Variants in CTNNA3 observed in about 807,000 individuals in gnomAD.
CTNNA3 encodes catenin alpha 3, also known as catenin alpha-3.
Under a neutral mutation model 95.7 loss-of-function variants are expected in CTNNA3, and 76 were observed. The observed-to-expected ratio is 0.79, with a 90% CI of 0.66 to 0.96. CTNNA3 has a LOEUF of 0.96. CTNNA3 is among the 40% of genes least tolerant of loss of function. The pLI, the probability that CTNNA3 is intolerant of heterozygous loss-of-function variation, is 0.00. For synonymous variants in CTNNA3, 431 were observed against 374.4 expected (o/e 1.15, Z -1.74); for missense variants, 1,191 against 1,089.8 (o/e 1.09, Z -1.31).
chr10:66,420,591 G>A (rs969566275), intron 11 of CTNNA3, among the ~76,000 whole-genome samples: 1 of 151,930 alleles, frequency 6.6e-6, no homozygotes, highest in Non-Finnish European at 1.5e-5. Flanking sequence ...ATGAGGTCAG[G>A]AGATTGAGAC....
intron 11 of CTNNA3, among the ~76,000 whole-genome samples, chr10:66,428,233 G>A (rs1286579051): frequency 2.0e-5 from 3 of 152,094 alleles, no homozygotes; most frequent in Non-Finnish European, 2.9e-5. Context: ...CCATATAAAG[G>A]AGCACCCAGA....
intron 15 of CTNNA3, among the ~76,000 whole-genome samples, chr10:65,991,050 T>G (rs2078535483): frequency 6.6e-6 from 1 of 152,134 alleles, no homozygotes; most frequent in African/African-American, 2.4e-5. Flanking sequence ...TTCCCACCTT[T>G]GTCGAAAACC....
chr10:67,095,449 T>C (rs182886884), intron 7 of CTNNA3, among the ~76,000 whole-genome samples: 1 of 151,942 alleles, frequency 6.6e-6, no homozygotes, highest in Admixed American at 6.6e-5. Context: ...ATGTGGGATT[T>C]TTAAAACAGA....
upstream of CTNNA3, among the ~76,000 whole-genome samples, chr10:67,700,382 G>A (rs1288112029): frequency 2.6e-5 from 4 of 152,184 alleles, no homozygotes; most frequent in South Asian, 8.3e-4. Flanking sequence ...CCCCCCAGTA[G>A]GGGCAGACTG....
chr10:65,937,654 T>C (rs2077363910), intron 17 of CTNNA3, among the ~76,000 whole-genome samples: 1 of 152,154 alleles, frequency 6.6e-6, no homozygotes, highest in Non-Finnish European at 1.5e-5. Context: ...ACTGTACTCC[T>C]ATTATAGCAC....
intron 1 of CTNNA3, among the ~76,000 whole-genome samples, chr10:67,740,615 T>C (rs914137277): frequency 1.3e-5 from 2 of 151,378 alleles, no homozygotes; most frequent in Non-Finnish European, 3.0e-5. Flanking sequence ...TGAGATATCA[T>C]CTCACACCAG....
chr10:67,146,021 T>A (rs1305179415), intron 7 of CTNNA3, among the ~76,000 whole-genome samples: 1 of 152,132 alleles, frequency 6.6e-6, no homozygotes, highest in Non-Finnish European at 1.5e-5. Flanking sequence ...AAGTGTGAAT[T>A]ACTGGGTATT....
Position 65,988,801 on chromosome 10 carries a change from GAAAAAA to G in CTNNA3, c.2160-10_2160-5del. 6.2e-7 allele frequency: 1 copy of G among 1,607,278 alleles called. No homozygotes were observed. Among genetic ancestry groups the G allele is most frequent in the African/African-American group, 1.3e-5 (1 of 74,732 alleles). On this transcript the variant is annotated splice_polypyrimidine_tract_variant and splice_region_variant and intron_variant, in intron 15 of 17. Coordinates refer to ENST00000433211, the MANE Select transcript of CTNNA3 (RefSeq NM_013266.4). ...ATGCTTTAGTGGTCCTTTGCCCCTGGAAAAAAATTTATATATGTTAGCTGTGGTGTT... is the reference window on the plus strand; with the variant it reads ...ATGCTTTAGTGGTCCTTTGCCCCTGGATTTATATATGTTAGCTGTGGTGTT...
chr10:67,195,101 C>T (rs1863288641), intron 6 of CTNNA3, among the ~76,000 whole-genome samples: 1 of 150,884 alleles, frequency 6.6e-6, no homozygotes, highest in Admixed American at 6.6e-5. Flanking sequence ...GGGATGATAG[C>T]AAAAGAACAA....
At chr10:66,659,500 T>A (rs1846183567) in intron 9 of CTNNA3, among the ~76,000 whole-genome samples, 1 of 152,216 alleles carries the variant, frequency 6.6e-6, no homozygotes, top group Non-Finnish European at 1.5e-5. Flanking sequence ...AGACCTATTG[T>A]GTACTTACAA....
At chr10:67,451,350 GT>G (rs1165667586) in intron 5 of CTNNA3, among the ~76,000 whole-genome samples, 3 of 151,720 alleles carry the variant, frequency 2.0e-5, no homozygotes, top group African/African-American at 7.3e-5. Context: ...AAAAATAAAT[GT>G]AAAAAGACTA....
chr10:66,253,803 C>T (rs1284814075), intron 13 of CTNNA3, among the ~76,000 whole-genome samples: 1 of 152,004 alleles, frequency 6.6e-6, no homozygotes, highest in Non-Finnish European at 1.5e-5. Flanking sequence ...GGAACTTGAC[C>T]TTATAGTGAT....
chr10:66,279,751 G>A (rs2091461332), intron 13 of CTNNA3, among the ~76,000 whole-genome samples: 1 of 151,980 alleles, frequency 6.6e-6, no homozygotes, highest in South Asian at 2.1e-4. Flanking sequence ...CCTTACTTCA[G>A]AGTCTGTCTT....
chr10:67,059,640 G>A (rs560440405), intron 7 of CTNNA3, among the ~76,000 whole-genome samples: 1 of 152,160 alleles, frequency 6.6e-6, no homozygotes, highest in Middle Eastern at 3.4e-3. Context: ...TTCTGATCTT[G>A]AGAAAGTAAA....
chr10:66,805,509 A>G (rs1321851459), intron 7 of CTNNA3, among the ~76,000 whole-genome samples: 1 of 145,132 alleles, frequency 6.9e-6, no homozygotes, highest in East Asian at 2.0e-4. Context: ...ATATTTATAC[A>G]TATATATATA....
intron 7 of CTNNA3, among the ~76,000 whole-genome samples, chr10:66,974,241 T>C (rs1185380346): frequency 6.6e-6 from 1 of 152,218 alleles, no homozygotes; most frequent in Admixed American, 6.5e-5. Context: ...TTAGGCCTAC[T>C]TCTGATTCAC....
At chr10:66,123,678 T>C (rs1256843302) in intron 13 of CTNNA3, among the ~76,000 whole-genome samples, 3 of 152,166 alleles carry the variant, frequency 2.0e-5, no homozygotes, top group East Asian at 3.9e-4. Context: ...GGCATTTCCA[T>C]ATATCCTCTG....
At chr10:66,153,585 C>T (rs2084319661) in intron 13 of CTNNA3, among the ~76,000 whole-genome samples, 2 of 151,902 alleles carry the variant, frequency 1.3e-5, no homozygotes, top group South Asian at 2.1e-4. Flanking sequence ...AGTTTGTATA[C>T]CAATTTGGGG....
chr10:67,476,456 G>C (rs1848016120), intron 5 of CTNNA3, among the ~76,000 whole-genome samples: 2 of 151,942 alleles, frequency 1.3e-5, no homozygotes, highest in African/African-American at 2.4e-5. Context: ...CAGATCTCCA[G>C]GCAGTCGGAG....
Sources: allele counts gnomAD v4.1 joint callset (sites outside exome capture counted in the v4.1 genomes callset), GRCh38; gene constraint gnomAD v4.1.1; transcripts MANE v1.5; gene names NCBI Gene and HGNC (gene_info 2026-07-23, HGNC 2026-07-21).